FRMD4A: variants seen among roughly 807,000 people sequenced by gnomAD.
FRMD4A encodes FERM domain containing 4A.
Under a neutral mutation model 129.1 loss-of-function variants are expected in FRMD4A, and 29 were observed. The ratio of observed to expected loss-of-function variants is 0.22; its 90% CI spans 0.17 to 0.31. The LOEUF is 0.31. Among genes scored for constraint, FRMD4A ranks in the 10% least tolerant of loss-of-function variants. FRMD4A has a pLI of 1.00. For synonymous variants in FRMD4A, 634 were observed against 571.6 expected (o/e 1.11, Z -1.56); for missense variants, 1,272 against 1,375.8 (o/e 0.92, Z 1.19).
At chr10:14,086,688 C>A (rs1300505916) in intron 2 of FRMD4A, among the ~76,000 whole-genome samples, 1 of 152,178 alleles carries the variant, frequency 6.6e-6, no homozygotes, top group Non-Finnish European at 1.5e-5. Flanking sequence ...TTTTATGACT[C>A]AATCTCTTAT....
chr10:14,150,942 A>C (rs1279332282), intron 2 of FRMD4A, among the ~76,000 whole-genome samples: 1 of 152,234 alleles, frequency 6.6e-6, no homozygotes, highest in Non-Finnish European at 1.5e-5. Flanking sequence ...TTTTCTGGAG[A>C]AATCTCAGTT....
chr10:14,089,628 AACAAAAAAAAACAAAC>A (rs1836522863), intron 2 of FRMD4A, among the ~76,000 whole-genome samples: 2 of 32,524 alleles, frequency 6.1e-5, no homozygotes, highest in African/African-American at 1.1e-4. Context: ...CAAAAAAAAA[AACAAAAAAAAACAAAC>A]AAAAAAAAAA....
chr10:13,880,716 G>A (rs1301949777), intron 2 of FRMD4A, among the ~76,000 whole-genome samples: 3 of 151,908 alleles, frequency 2.0e-5, no homozygotes, highest in Non-Finnish European at 4.4e-5. Context: ...TACTCACCAC[G>A]TCCAGACACC....
intron 2 of FRMD4A, among the ~76,000 whole-genome samples, chr10:14,158,671 AGAGGAG>A (rs1448566661): frequency 6.6e-6 from 1 of 151,280 alleles, no homozygotes; most frequent in Non-Finnish European, 1.5e-5. Flanking sequence ...GGGGCAAGAA[AGAGGAG>A]GAGGAGGAAG....
At chr10:14,114,501 C>T (rs1459708616) in intron 2 of FRMD4A, among the ~76,000 whole-genome samples, 4 of 152,134 alleles carry the variant, frequency 2.6e-5, no homozygotes, top group East Asian at 1.9e-4. Context: ...CCCATTTTTC[C>T]GTTTCCTCAA....
At position 13,833,584 on chromosome 10, in the gene FRMD4A, T is replaced by C. The variant is rs1171391420; in HGVS notation, c.112-22676A>G. Among the ~76,000 whole-genome samples, 23 of 152,148 alleles carry C rather than the reference T, an allele frequency of 1.5e-4. 1 individual carries two copies. The highest frequency in any genetic ancestry group is 1.5e-3 in the Admixed American group (23 of 15,280). On this transcript the variant is annotated intron_variant, in intron 3 of 24. Coordinates refer to ENST00000357447, the MANE Select transcript of FRMD4A (RefSeq NM_018027.5). Reference sequence around the variant, plus strand: ...TTAAGGGCCCAGATTTGGGAGCTCCTTACTGACTGTGTGGCTTCAGGCAGG... The same window carrying C: ...TTAAGGGCCCAGATTTGGGAGCTCCCTACTGACTGTGTGGCTTCAGGCAGG...
intron 15 of FRMD4A, chr10:13,692,041 G>A (rs2085746427): frequency 6.6e-6 from 1 of 151,506 alleles, no homozygotes. Context: ...AAATATTTTC[G>A]AAGAACTTAA....
At chr10:13,891,248 G>A (rs912211501) in intron 2 of FRMD4A, among the ~76,000 whole-genome samples, 1 of 151,948 alleles carries the variant, frequency 6.6e-6, no homozygotes, top group African/African-American at 2.4e-5. Flanking sequence ...TGTCTGAAAC[G>A]CCCTGTCCTG....
intron 2 of FRMD4A, among the ~76,000 whole-genome samples, chr10:14,071,335 AT>A (rs1835309148): frequency 6.6e-6 from 1 of 152,200 alleles, no homozygotes; most frequent in South Asian, 2.1e-4. Context: ...GTTTAATGCA[AT>A]TGACCTCTAA....
intron 6 of FRMD4A, among the ~76,000 whole-genome samples, chr10:13,765,107 T>G (rs1226524164): frequency 4.9e-5 from 7 of 143,210 alleles, no homozygotes; most frequent in South Asian, 2.3e-4. Flanking sequence ...ATTGATTTTT[T>G]TTTTTTGTTT....
At chr10:13,854,292 T>C (rs1589039433) in intron 3 of FRMD4A, among the ~76,000 whole-genome samples, 1 of 152,200 alleles carries the variant, frequency 6.6e-6, no homozygotes. Flanking sequence ...AGCAAGGATA[T>C]GACAACGAGA....
At chr10:13,906,261 T>C (rs764942194) in intron 2 of FRMD4A, among the ~76,000 whole-genome samples, 12 of 152,196 alleles carry the variant, frequency 7.9e-5, no homozygotes, top group Non-Finnish European at 1.5e-4. Flanking sequence ...TTTTTATCTG[T>C]CTATATAGCA....
intron 2 of FRMD4A, among the ~76,000 whole-genome samples, chr10:13,955,005 G>A (rs2095400477): frequency 6.6e-6 from 1 of 151,856 alleles, no homozygotes; most frequent in Non-Finnish European, 1.5e-5. Flanking sequence ...TTCTTTCTTA[G>A]GGCCAGTTTT....
chr10:14,032,611 A>G (rs1463551166), intron 2 of FRMD4A, among the ~76,000 whole-genome samples: 1 of 152,176 alleles, frequency 6.6e-6, no homozygotes, highest in Non-Finnish European at 1.5e-5. Context: ...CTTCCAGTGA[A>G]GGCCACCAGG....
At chr10:14,021,046 T>G (rs1202769171) in intron 2 of FRMD4A, among the ~76,000 whole-genome samples, 2 of 152,108 alleles carry the variant, frequency 1.3e-5, no homozygotes, top group Non-Finnish European at 2.9e-5. Flanking sequence ...GTAAGCCGGG[T>G]AGCATTAGCT....
At chr10:13,668,706 G>C (rs575475221) in intron 17 of FRMD4A, among the ~76,000 whole-genome samples, 1 of 152,270 alleles carries the variant, frequency 6.6e-6, no homozygotes, top group Non-Finnish European at 1.5e-5. Context: ...GACCAAGGAG[G>C]GTGTTGGGGG....
chr10:14,311,461 A>G (rs897758493), intron 2 of FRMD4A, among the ~76,000 whole-genome samples: 1 of 151,982 alleles, frequency 6.6e-6, no homozygotes, highest in Admixed American at 6.6e-5. Flanking sequence ...TGCACTACAC[A>G]TCCTCTCTCC....
intron 2 of FRMD4A, among the ~76,000 whole-genome samples, chr10:14,135,043 C>G (rs766620315): frequency 6.6e-6 from 1 of 152,178 alleles, no homozygotes; most frequent in African/African-American, 2.4e-5. Flanking sequence ...ACCTACAATT[C>G]TATTTCCATA....
At chr10:13,839,482 G>C (rs1452446821) in intron 3 of FRMD4A, among the ~76,000 whole-genome samples, 2 of 152,146 alleles carry the variant, frequency 1.3e-5, no homozygotes, top group Admixed American at 1.3e-4. Context: ...TAATGCAGAG[G>C]GCATCTGTAG....
Sources: gnomAD v4.1 joint callset for allele counts (sites outside exome capture counted in the v4.1 genomes callset) on GRCh38, gnomAD v4.1.1 for gene constraint, MANE v1.5 for transcripts, NCBI Gene and HGNC (gene_info 2026-07-23, HGNC 2026-07-21) for gene names.